Variants in DMD observed in about 807,000 individuals in gnomAD.
DMD encodes the protein dystrophin.
In DMD, 63 loss-of-function variants were observed where a neutral mutation model predicts 330.1. That is an observed-to-expected ratio of 0.19 (90% CI 0.16 to 0.24). The LOEUF (loss-of-function observed/expected upper bound fraction) is 0.24, where lower values mean the gene tolerates loss of function less well. Among genes scored for constraint, DMD ranks in the 10% least tolerant of loss-of-function variants. DMD has a pLI of 1.00. For synonymous variants in DMD, 1,223 were observed against 959.8 expected (o/e 1.27, Z -5.07); for missense variants, 3,344 against 2,684.1 (o/e 1.25, Z -5.43).
At chrX:32,758,471 A>G (rs2071792494) in intron 7 of DMD, among the ~76,000 whole-genome samples, 1 of 110,989 alleles carries the variant, frequency 9.0e-6, no homozygotes, top group African/African-American at 3.3e-5. Flanking sequence ...GCATTCTCCT[A>G]CTCATCCAAA....
chrX:33,005,269 C>T, intron 2 of DMD, among the ~76,000 whole-genome samples: 1 of 81,221 alleles, frequency 1.2e-5, no homozygotes, highest in East Asian at 4.3e-4. Context: ...ACTTTACACA[C>T]ACACAAACAC....
chrX:32,770,779 A>C (rs574983637), intron 7 of DMD, among the ~76,000 whole-genome samples: 1 of 111,822 alleles, frequency 8.9e-6, no homozygotes, highest in South Asian at 3.7e-4. Context: ...AAATTCTAGG[A>C]CTAGAAATAA....
chrX:32,573,895 C>A, intron 13 of DMD, 49 bp from the exon 14 acceptor site: 6 of 1,064,223 alleles, frequency 5.6e-6, no homozygotes, highest in Non-Finnish European at 7.8e-6. Context: ...TTGGTAACTA[C>A]GTTTTATTAA....
intron 1 of DMD, among the ~76,000 whole-genome samples, chrX:33,080,629 T>A (rs2094913451): frequency 9.0e-6 from 1 of 111,566 alleles, no homozygotes; most frequent in Non-Finnish European, 1.9e-5. Context: ...AGATAAGGTC[T>A]GACTCTTTTC....
At chrX:32,067,840 A>G (rs1265481975) in intron 44 of DMD, among the ~76,000 whole-genome samples, 1 of 112,127 alleles carries the variant, frequency 8.9e-6, no homozygotes, top group Non-Finnish European at 1.9e-5. Context: ...TCTTTTTGGT[A>G]GAACCATTTG....
intron 50 of DMD, among the ~76,000 whole-genome samples, chrX:31,817,611 C>T (rs188133285): frequency 1.8e-5 from 2 of 111,610 alleles, no homozygotes; most frequent in South Asian, 3.8e-4. Context: ...ACTACCACAA[C>T]TCTGCCAGCT....
chrX:32,372,376 G>C (rs2097882492), intron 34 of DMD, among the ~76,000 whole-genome samples: 1 of 111,381 alleles, frequency 9.0e-6, no homozygotes, highest in African/African-American at 3.3e-5. Context: ...AACAGTCCAA[G>C]AGAGTAGGGG....
chrX:32,083,343 C>T (rs1294417855), intron 44 of DMD, among the ~76,000 whole-genome samples: 1 of 108,649 alleles, frequency 9.2e-6, no homozygotes, highest in Non-Finnish European at 1.9e-5. Flanking sequence ...GGCAGGATCT[C>T]GGCTACCGGG....
intron 34 of DMD, among the ~76,000 whole-genome samples, chrX:32,371,047 G>A (rs1262861392): frequency 9.0e-6 from 1 of 110,805 alleles, no homozygotes; most frequent in Non-Finnish European, 1.9e-5. Context: ...TACTTTTCAA[G>A]TTTCTCGGGT....
intron 2 of DMD, among the ~76,000 whole-genome samples, chrX:32,967,312 G>A (rs937782067): frequency 9.0e-6 from 1 of 111,656 alleles, no homozygotes; most frequent in Non-Finnish European, 1.9e-5. Context: ...GAAGATCTGT[G>A]ATGGAGATCA....
At chrX:32,314,839 T>C (rs2097577604) in intron 41 of DMD, among the ~76,000 whole-genome samples, 1 of 111,592 alleles carries the variant, frequency 9.0e-6, no homozygotes, top group Non-Finnish European at 1.9e-5. Flanking sequence ...CACAACGAGA[T>C]AGCATCTCAC....
upstream of DMD, among the ~76,000 whole-genome samples, chrX:33,215,623 T>C (rs754041461): frequency 9.0e-6 from 1 of 111,692 alleles, no homozygotes; most frequent in East Asian, 2.8e-4. Flanking sequence ...GGGTACTTCC[T>C]AGGTTTTCTT....
chrX:32,746,662 A>T (rs1216738141), intron 7 of DMD, among the ~76,000 whole-genome samples: 1 of 112,275 alleles, frequency 8.9e-6, no homozygotes, highest in Non-Finnish European at 1.9e-5. Context: ...CAGGCTAATT[A>T]TCATATCCAT....
chrX:31,321,252 T>C (rs1271580311), intron 62 of DMD, among the ~76,000 whole-genome samples: 1 of 111,305 alleles, frequency 9.0e-6, no homozygotes, highest in Non-Finnish European at 1.9e-5. Context: ...AAAAGGATCT[T>C]AGATATCATC....
chrX:32,827,937 A>C (rs2078862742), intron 4 of DMD, among the ~76,000 whole-genome samples: 1 of 111,472 alleles, frequency 9.0e-6, no homozygotes, highest in Non-Finnish European at 1.9e-5. Context: ...ACTAGGTTAC[A>C]GGTATAAGCC....
intron 17 of DMD, among the ~76,000 whole-genome samples, chrX:32,534,082 G>A (rs527858350): frequency 3.6e-5 from 4 of 111,938 alleles, no homozygotes; most frequent in African/African-American, 1.3e-4. Context: ...TAACAAAGCC[G>A]GTTTTTAGTC....
At chrX:32,121,619 GCA>G (rs2096635356) in intron 44 of DMD, among the ~76,000 whole-genome samples, 1 of 28,715 alleles carries the variant, frequency 3.5e-5, no homozygotes, top group Non-Finnish European at 6.1e-5. Context: ...AAATATGTGT[GCA>G]TATATATATA....
At chrX:32,003,921 C>T (rs996344352) in intron 44 of DMD, among the ~76,000 whole-genome samples, 4 of 110,483 alleles carry the variant, frequency 3.6e-5, no homozygotes, top group African/African-American at 1.3e-4. Context: ...CAGCCATTTG[C>T]TAAGAAAAAT....
intron 16 of DMD, among the ~76,000 whole-genome samples, chrX:32,547,018 A>T (rs1377632333): frequency 1.8e-5 from 2 of 108,144 alleles, no homozygotes; most frequent in Non-Finnish European, 3.8e-5. Flanking sequence ...CTTGCTTTGC[A>T]AAGAAAATGC....
Sources: allele counts gnomAD v4.1 joint callset (sites outside exome capture counted in the v4.1 genomes callset), GRCh38; gene constraint gnomAD v4.1.1; transcripts MANE v1.5; gene names NCBI Gene and HGNC (gene_info 2026-07-23, HGNC 2026-07-21).